Variants in RDX observed in about 807,000 individuals in gnomAD.
RDX encodes the protein radixin.
Under a neutral mutation model 83.7 loss-of-function variants are expected in RDX, and 32 were observed. The ratio of observed to expected loss-of-function variants is 0.38; its 90% confidence interval spans 0.29 to 0.51. The LOEUF (loss-of-function observed/expected upper bound fraction) is 0.51. Ranked by LOEUF, RDX falls within the 20% of genes least tolerant of loss-of-function variation. RDX has a pLI of 0.87. For synonymous variants in RDX, 229 were observed against 222.7 expected, an observed-to-expected ratio of 1.03 and a Z score of -0.25; for missense variants, 600 against 689.9, an observed-to-expected ratio of 0.87 and a Z score of 1.46.
At chr11:110,282,799 A>T (rs1860816701) in intron 1 of RDX, among the ~76,000 whole-genome samples, 1 of 152,056 alleles carries the variant, frequency 6.6e-6, no homozygotes, top group African/African-American at 2.4e-5. Context: ...GGTAACACAG[A>T]CAGATTGTGT....
chr11:110,199,813 C>T lies in RDX; in HGVS notation c.1749-135G>A, dbSNP rs182717291. On this transcript the variant is annotated intron_variant, in intron 14 of 15. Transcript: ENST00000528498. ...CTTGTCAGCCTGGATTATGTAGGGC[C>T]TGTTATTGTCAAACTGTCTGCCTAA... The T allele has an allele frequency of 1.9e-4, 123 of 660,138 alleles. No individual in the cohort carries two copies. In the African/African-American group the frequency reaches 1.9e-3, roughly 10 times the overall value. 40.9% of individuals were successfully genotyped at this position (660,138 alleles called of 1,614,324 possible).
rs536204024 is a variant in RDX, at chr11:110,185,818, C to T, written c.*32-10584G>A. ...TATGGCATGGAAGAGCATACTATGG[C>T]GTGGAGGTGCTTATGCTTCCTGCAG... On this transcript the variant is annotated intron_variant, in intron 15 of 15. Transcript: ENST00000528498. Among the ~76,000 whole-genome samples, 12 of 152,246 alleles carry T rather than the reference C, an allele frequency of 7.9e-5. No homozygotes were observed. In the South Asian group the frequency reaches 1.9e-3, roughly 24 times the overall value.
chr11:110,265,503 T>A (rs1030591010), intron 3 of RDX, among the ~76,000 whole-genome samples: 8 of 149,406 alleles, frequency 5.4e-5, no homozygotes. Context: ...CTTGAAAATA[T>A]ATATATATAT....
chr11:110,255,984 A>G (rs1859529996), intron 7 of RDX, among the ~76,000 whole-genome samples: 1 of 152,186 alleles, frequency 6.6e-6, no homozygotes, highest in Non-Finnish European at 1.5e-5. Flanking sequence ...AATGATAGAG[A>G]TGGAATTCAA....
At chr11:110,291,653 G>C (rs147945327) in intron 1 of RDX, among the ~76,000 whole-genome samples, 9 of 152,294 alleles carry the variant, frequency 5.9e-5, no homozygotes, top group African/African-American at 2.2e-4. Flanking sequence ...ATTCTGAGTA[G>C]CTGGGACTAC....
At chr11:110,271,518 G>A (rs1223408263) in intron 3 of RDX, among the ~76,000 whole-genome samples, 1 of 152,178 alleles carries the variant, frequency 6.6e-6, no homozygotes, top group Non-Finnish European at 1.5e-5. Context: ...CCCTTACCTC[G>A]TTTTCTCAGC....
chr11:110,243,113 T>C (rs938792872), intron 10 of RDX, among the ~76,000 whole-genome samples: 24 of 152,136 alleles, frequency 1.6e-4, no homozygotes, highest in African/African-American at 5.6e-4. Flanking sequence ...TTTTGAGCAT[T>C]TGCATGACAC....
rs557662611 is a variant in RDX, at chr11:110,206,008, C to T, written c.1749-6330G>A. On this transcript the variant is annotated intron_variant, in intron 14 of 15. Transcript: ENST00000528498. ...CAGTGGCTCATGCCTGTAATCCCAGCACTTTGGGAGACCAAGACTGGTGGA... is the reference window on the plus strand; with the variant it reads ...CAGTGGCTCATGCCTGTAATCCCAGTACTTTGGGAGACCAAGACTGGTGGA... Among the ~76,000 whole-genome samples the T allele has an allele frequency of 1.2e-3, 188 of 152,248 alleles. 1 individual carries two copies. Among genetic ancestry groups the T allele is most frequent in the Middle Eastern group, 3.4e-3 (1 of 294 alleles).
intron 14 of RDX, among the ~76,000 whole-genome samples, chr11:110,221,768 G>T (rs1864258455): frequency 6.6e-6 from 1 of 152,110 alleles, no homozygotes; most frequent in South Asian, 2.1e-4. Context: ...GTGACCTAAA[G>T]TTGAACTAAG....
chr11:110,259,567 C>G (rs1859716497), intron 5 of RDX, among the ~76,000 whole-genome samples: 1 of 152,188 alleles, frequency 6.6e-6, no homozygotes, highest in South Asian at 2.1e-4. Flanking sequence ...CTGTTATGTT[C>G]TTATTATACT....
rs1167744965 is a variant in RDX at position 110,257,906 on chromosome 11, A to C, written c.559T>G (p.Ser187Ala). 1 of 1,611,870 alleles carries C rather than the reference A, an allele frequency of 6.2e-7. No homozygotes were observed. Among genetic ancestry groups the C allele is most frequent in the Admixed American group, 1.7e-5 (1 of 59,990 alleles). ...GCAATCTTCAGGTATTCCATCATAGAATCCTCCCTGTTGAAATAAAACTAA... is the reference window on the plus strand; with the variant it reads ...GCAATCTTCAGGTATTCCATCATAGCATCCTCCCTGTTGAAATAAAACTAA... ...EEHRGMLRED[S>A]MMEYLKIAQD... Residue 187 changes from serine to alanine, a missense_variant, in exon 7 of 14, where the codon TCT becomes GCT. Ser to Ala is a moderately conservative substitution (Grantham distance 99, BLOSUM62 1). Coordinates refer to ENST00000645495, the MANE Select transcript of RDX (RefSeq NM_002906.4).
chr11:110,263,632 G>A (rs530606505), intron 5 of RDX, among the ~76,000 whole-genome samples: 9 of 151,862 alleles, frequency 5.9e-5, no homozygotes, highest in African/African-American at 9.7e-5. Context: ...AGGCTGAGGC[G>A]GGCAGATCAC....
At chr11:110,215,049 AATAT>A (rs572205859) in intron 14 of RDX, among the ~76,000 whole-genome samples, 14,708 of 96,912 alleles carry the variant, frequency 0.15, 762 homozygotes, top group Non-Finnish European at 0.18. Flanking sequence ...AAAAAAAAAA[AATAT>A]ATATATATAT....
chr11:110,235,202 T>C (rs148155651), intron 12 of RDX, among the ~76,000 whole-genome samples: 2 of 152,004 alleles, frequency 1.3e-5, no homozygotes, highest in African/African-American at 4.8e-5. Context: ...AAAATAAAAA[T>C]GATGGTGCAT....
intron 14 of RDX, among the ~76,000 whole-genome samples, chr11:110,203,641 A>T (rs887585215): frequency 6.6e-6 from 1 of 152,050 alleles, no homozygotes; most frequent in African/African-American, 2.4e-5. Context: ...TGTCCCCCAT[A>T]AATATATACT....
chr11:110,284,841 A>C (rs1860917613), intron 1 of RDX, among the ~76,000 whole-genome samples: 1 of 152,182 alleles, frequency 6.6e-6, no homozygotes, highest in African/African-American at 2.4e-5. Flanking sequence ...TATTATTAAA[A>C]AGGATGTCTG....
chr11:110,227,082 A>G (rs2134286841), downstream of RDX, among the ~76,000 whole-genome samples: 1 of 152,180 alleles, frequency 6.6e-6, no homozygotes, highest in East Asian at 1.9e-4. Flanking sequence ...ACTTTTCAAT[A>G]TATATAAAAG....
chr11:110,196,687 G>C (rs1046653722), intron 15 of RDX, among the ~76,000 whole-genome samples: 3 of 152,130 alleles, frequency 2.0e-5, no homozygotes, highest in African/African-American at 7.2e-5. Flanking sequence ...AATCCAGGAG[G>C]GAGGACCTGC....
intron 10 of RDX, among the ~76,000 whole-genome samples, chr11:110,242,224 G>A (rs898549869): frequency 7.2e-5 from 11 of 152,020 alleles, no homozygotes; most frequent in Non-Finnish European, 1.2e-4. Context: ...AAGCCTAGGC[G>A]GGCGGATCAC....
Sources: gnomAD v4.1 joint callset for allele counts (sites outside exome capture counted in the v4.1 genomes callset) on GRCh38, gnomAD v4.1.1 for gene constraint, MANE v1.5 for transcripts, NCBI Gene and HGNC (gene_info 2026-07-23, HGNC 2026-07-21) for gene names.